CCDC149: variants seen among roughly 807,000 people sequenced by gnomAD.
CCDC149 encodes coiled-coil domain-containing protein 149.
A neutral mutation model predicts 59.9 loss-of-function variants in CCDC149; 45 were observed. The observed-to-expected ratio is 0.75, with a 90% CI of 0.59 to 0.96. CCDC149 has a LOEUF of 0.96. Among genes scored for constraint, CCDC149 ranks in the 40% least tolerant of loss-of-function variants. The pLI is 0.00. For missense variants in CCDC149, 584 were observed against 664.7 expected (o/e 0.88, Z 1.33); for synonymous variants, 245 against 260.6 (o/e 0.94, Z 0.58).
At chr4:24,889,123 C>T (rs193189736) in intron 1 of CCDC149, among the ~76,000 whole-genome samples, 73 of 152,198 alleles carry the variant, frequency 4.8e-4, no homozygotes, top group African/African-American at 1.5e-3. Context: ...CTTGGCTAAC[C>T]GAAGTTTTGA....
At chr4:24,960,994 C>T (rs917828556) in intron 1 of CCDC149, among the ~76,000 whole-genome samples, 2 of 152,074 alleles carry the variant, frequency 1.3e-5, no homozygotes, top group Non-Finnish European at 2.9e-5. Context: ...GTGCTAAAAC[C>T]AAAAGAATCC....
At chr4:24,843,564 C>T (rs1021534310) in intron 4 of CCDC149, among the ~76,000 whole-genome samples, 3 of 152,148 alleles carry the variant, frequency 2.0e-5, no homozygotes, top group African/African-American at 4.8e-5. Flanking sequence ...AGTCCAAATT[C>T]CTAGATTTAT....
chr4:24,890,533 T>C (rs182140810), intron 1 of CCDC149, among the ~76,000 whole-genome samples: 2 of 152,326 alleles, frequency 1.3e-5, no homozygotes, highest in Non-Finnish European at 2.9e-5. Flanking sequence ...AATCTTATTA[T>C]CACAGTAATC....
intron 4 of CCDC149, among the ~76,000 whole-genome samples, chr4:24,850,963 C>T (rs896701235): frequency 6.9e-6 from 1 of 144,378 alleles, no homozygotes; most frequent in Non-Finnish European, 1.5e-5. Flanking sequence ...TGCAGTTAGA[C>T]TTTTTTTTTT....
At chr4:24,979,915 A>G (rs1054209522) in intron 1 of CCDC149, among the ~76,000 whole-genome samples, 14 of 152,232 alleles carry the variant, frequency 9.2e-5, no homozygotes, top group African/African-American at 3.4e-4. Context: ...TGGAAGCAAA[A>G]TCGGCTTAAA....
At chr4:24,912,351 C>T (rs1721923407) in intron 1 of CCDC149, among the ~76,000 whole-genome samples, 2 of 152,106 alleles carry the variant, frequency 1.3e-5, no homozygotes, top group Non-Finnish European at 2.9e-5. Flanking sequence ...AGCGGACCCC[C>T]GAACTCCCCC....
At chr4:24,859,164 T>C (rs1258172161) in intron 3 of CCDC149, among the ~76,000 whole-genome samples, 1 of 152,228 alleles carries the variant, frequency 6.6e-6, no homozygotes, top group African/African-American at 2.4e-5. Flanking sequence ...TTTGAGTACA[T>C]AGCCATTCTG....
chr4:24,908,681 C>G (rs1721686214), intron 1 of CCDC149, among the ~76,000 whole-genome samples: 1 of 152,226 alleles, frequency 6.6e-6, no homozygotes, highest in Admixed American at 6.5e-5. Context: ...GCATGGGCAA[C>G]AGAGTGAGAC....
At position 24,844,201 on chromosome 4, in the gene CCDC149, C is replaced by T. The variant is rs1717115803; in HGVS notation, c.373-5929G>A. ...TGCTTGTGTCTACCCCACTTCAGCTCCATCATGGCATGAACCTTGCTTGTC... is the reference window on the plus strand; with the variant it reads ...TGCTTGTGTCTACCCCACTTCAGCTTCATCATGGCATGAACCTTGCTTGTC... On this transcript the variant is annotated intron_variant, in intron 4 of 12. Transcript: ENST00000635206. 2.0e-5 allele frequency among the ~76,000 whole-genome samples: 3 copies of T among 152,064 alleles called. 1 individual carries two copies. The South Asian group carries it at 6.2e-4, about 32-fold the overall frequency.
chr4:24,856,366 A>G (rs1478323623), intron 3 of CCDC149, among the ~76,000 whole-genome samples: 1 of 152,244 alleles, frequency 6.6e-6, no homozygotes, highest in Non-Finnish European at 1.5e-5. Flanking sequence ...TAACTACATT[A>G]TATTACAATA....
At chr4:24,964,192 T>TAAAAAAAAAAAAAAAA (rs377278394) in intron 1 of CCDC149, among the ~76,000 whole-genome samples, 2 of 119,208 alleles carry the variant, frequency 1.7e-5, no homozygotes, top group Non-Finnish European at 1.7e-5. Context: ...AGACCCTATC[T>TAAAAAAAAAAAAAAAA]AAAAAAAAAA....
chr4:24,962,644 A>G (rs1250259988), intron 1 of CCDC149, among the ~76,000 whole-genome samples: 1 of 152,132 alleles, frequency 6.6e-6, no homozygotes, highest in African/African-American at 2.4e-5. Flanking sequence ...CAAAAAACCA[A>G]GCACCTCATG....
chr4:24,880,128 G>T (rs1476177983), intron 1 of CCDC149, among the ~76,000 whole-genome samples: 1 of 152,176 alleles, frequency 6.6e-6, no homozygotes, highest in African/African-American at 2.4e-5. Flanking sequence ...TTAGTCAATG[G>T]CAGACTGCAT....
intron 1 of CCDC149, among the ~76,000 whole-genome samples, chr4:24,963,015 C>T (rs1346641499): frequency 6.6e-6 from 1 of 151,574 alleles, no homozygotes; most frequent in East Asian, 1.9e-4. Context: ...GCATGCTCTC[C>T]TTAGCCAAAA....
At chr4:24,914,541 G>A (rs1943124448), upstream of CCDC149, among the ~76,000 whole-genome samples, 1 of 152,156 alleles carries the variant, frequency 6.6e-6, no homozygotes, top group Non-Finnish European at 1.5e-5. Context: ...ATCACCAGAT[G>A]TGTGAGTGAG....
chr4:24,830,332 C>T (rs1419572165), intron 9 of CCDC149: 1 of 152,216 alleles, frequency 6.6e-6, no homozygotes, highest in Admixed American at 6.5e-5. Context: ...GAAGCAACTG[C>T]ATTTCAGCAT....
At chr4:24,810,605 G>C (rs1653333593) in intron 12 of CCDC149, among the ~76,000 whole-genome samples, 2 of 152,174 alleles carry the variant, frequency 1.3e-5, no homozygotes, top group Non-Finnish European at 2.9e-5. Flanking sequence ...ATGTTTGTGA[G>C]ATTTACCCAT....
At chr4:24,856,792 GA>G (rs1718040434) in intron 3 of CCDC149, among the ~76,000 whole-genome samples, 1 of 152,318 alleles carries the variant, frequency 6.6e-6, no homozygotes, top group African/African-American at 2.4e-5. Flanking sequence ...TTCCTCCACG[GA>G]ACTCCAGAAC....
At chr4:24,804,987 G>A (rs76834894), downstream of CCDC149, among the ~76,000 whole-genome samples, 2,220 of 152,286 alleles carry the variant, frequency 0.015, 29 homozygotes, top group South Asian at 0.028. Context: ...GAGAAGGAAC[G>A]GGGAGGGGAG....
Sources: gnomAD v4.1 joint callset for allele counts (sites outside exome capture counted in the v4.1 genomes callset) on GRCh38, gnomAD v4.1.1 for gene constraint, MANE v1.5 for transcripts, NCBI Gene and HGNC (gene_info 2026-07-23, HGNC 2026-07-21) for gene names.